The following ST7L variants were observed in gnomAD, a reference collection of about 807,000 sequenced individuals.
ST7L encodes suppression of tumorigenicity 7 like.
Under a neutral mutation model 72.5 loss-of-function variants are expected in ST7L, and 57 were observed. The observed-to-expected ratio is 0.79, with a 90% CI of 0.64 to 0.98. The LOEUF is 0.98. Among genes scored for constraint, ST7L ranks in the 50% least tolerant of loss-of-function variants. The pLI, the probability that ST7L is intolerant of heterozygous loss-of-function variation, is 0.00. For missense variants in ST7L, 576 were observed against 672.2 expected (o/e 0.86, Z 1.58); for synonymous variants, 221 against 240.9 (o/e 0.92, Z 0.77).
At chr1:112,609,316 G>A (rs1367553416) in intron 3 of ST7L, among the ~76,000 whole-genome samples, 1 of 152,112 alleles carries the variant, frequency 6.6e-6, no homozygotes. Flanking sequence ...CAGATCACCT[G>A]AGGTCGGGAG....
chr1:112,582,189 C>A, intron 8 of ST7L, 83 bp from the exon 9 acceptor site: 1 of 1,120,166 alleles, frequency 8.9e-7, no homozygotes, highest in Non-Finnish European at 1.3e-6. Context: ...AGTAGAAATT[C>A]TTGTTTCTTA....
chr1:112,611,095 T>C, intron 2 of ST7L, 92 bp from the exon 3 acceptor site: 1 of 1,294,676 alleles, frequency 7.7e-7, no homozygotes, highest in Middle Eastern at 2.0e-4. Flanking sequence ...CCTGTTCAAT[T>C]CAGCATTTTA....
chr1:112,586,857 G>T (rs114996382), intron 6 of ST7L, among the ~76,000 whole-genome samples: 3 of 152,006 alleles, frequency 2.0e-5, no homozygotes, highest in Admixed American at 2.0e-4. Context: ...TGCAACCATC[G>T]CCACAATGTA....
intron 2 of ST7L, among the ~76,000 whole-genome samples, chr1:112,612,229 C>G (rs998291056): frequency 6.6e-6 from 1 of 152,010 alleles, no homozygotes; most frequent in African/African-American, 2.4e-5. Flanking sequence ...TCCCGTGTAG[C>G]TAGGACTACA....
At chr1:112,598,609 ACT>A (rs1320456521) in intron 4 of ST7L, among the ~76,000 whole-genome samples, 1 of 151,858 alleles carries the variant, frequency 6.6e-6, no homozygotes, top group Non-Finnish European at 1.5e-5. Flanking sequence ...AAAAAAAAAG[ACT>A]CAGTAAAACG....
chr1:112,561,440 G>A (rs1244484536), intron 11 of ST7L, among the ~76,000 whole-genome samples: 1 of 148,816 alleles, frequency 6.7e-6, no homozygotes, highest in Non-Finnish European at 1.5e-5. Context: ...CTTTTTCTAT[G>A]CATAATACAT....
At chr1:112,593,002 T>C (rs1205087865) in intron 5 of ST7L, among the ~76,000 whole-genome samples, 2 of 152,132 alleles carry the variant, frequency 1.3e-5, no homozygotes, top group Non-Finnish European at 2.9e-5. Flanking sequence ...AAGACTGTAT[T>C]AATTTATACT....
intron 2 of ST7L, among the ~76,000 whole-genome samples, chr1:112,615,227 C>G (rs1669685393): frequency 6.6e-6 from 1 of 152,032 alleles, no homozygotes; most frequent in African/African-American, 2.4e-5. Context: ...AACTCTATCA[C>G]CCCACCTCGG....
intron 12 of ST7L, among the ~76,000 whole-genome samples, chr1:112,553,966 G>A (rs1658677589): frequency 6.6e-6 from 1 of 151,984 alleles, no homozygotes; most frequent in African/African-American, 2.4e-5. Flanking sequence ...CCTTTTGGGA[G>A]GCCTCAGCCT....
intron 14 of ST7L, chr1:112,540,857 T>C: frequency 7.8e-7 from 1 of 1,286,822 alleles, no homozygotes; most frequent in Non-Finnish European, 1.0e-6. Context: ...TCTTTTTGGG[T>C]TTTAACTCCT....
chr1:112,594,605 G>A (rs937844553), intron 5 of ST7L, among the ~76,000 whole-genome samples: 2 of 152,198 alleles, frequency 1.3e-5, no homozygotes, highest in African/African-American at 4.8e-5. Flanking sequence ...CGGCCAAGTG[G>A]TAAGTTCTAG....
chr1:112,619,198 T>A, upstream of ST7L: 3 of 1,361,192 alleles, frequency 2.2e-6, no homozygotes, highest in Non-Finnish European at 3.0e-6. Context: ...GTGGCGGACC[T>A]GAAGTTGGCC....
intron 11 of ST7L, 61 bp downstream of exon 11, chr1:112,576,925 G>A (rs1434278283): frequency 1.3e-5 from 17 of 1,298,600 alleles, no homozygotes; most frequent in African/African-American, 8.8e-5. Flanking sequence ...TCTGGTCTAC[G>A]AACTGTCATC....
intron 5 of ST7L, among the ~76,000 whole-genome samples, chr1:112,595,375 A>G (rs927172712): frequency 2.0e-5 from 3 of 149,090 alleles, no homozygotes; most frequent in Non-Finnish European, 4.5e-5. Flanking sequence ...CAAAAGAAAA[A>G]AAAAAAAAAA....
chr1:112,566,297 C>CTT (rs71084471), intron 11 of ST7L, among the ~76,000 whole-genome samples: 39 of 105,912 alleles, frequency 3.7e-4, no homozygotes, highest in Non-Finnish European at 5.1e-4. Flanking sequence ...TCTTCTTCTT[C>CTT]TTTTTTTTTT....
At chr1:112,574,813 T>C (rs1571118360) in intron 11 of ST7L, among the ~76,000 whole-genome samples, 1 of 152,162 alleles carries the variant, frequency 6.6e-6, no homozygotes, top group Non-Finnish European at 1.5e-5. Context: ...GGCAGTCAGG[T>C]AGGCGTCTGT....
At chr1:112,577,147 A>G in intron 10 of ST7L, 59 bp from the exon 11 acceptor site, 1 of 1,190,496 alleles carries the variant, frequency 8.4e-7, no homozygotes. Flanking sequence ...AAAAAGTATG[A>G]ATTTAGATAA....
At chr1:112,602,083 C>CAAA (rs71584754) in intron 3 of ST7L, among the ~76,000 whole-genome samples, 3 of 89,048 alleles carry the variant, frequency 3.4e-5, no homozygotes, top group Non-Finnish European at 4.7e-5. Context: ...AAACTCCATC[C>CAAA]AAAAAAAAAA....
At chr1:112,528,031 GCAAC>G (rs1479463206) in intron 14 of ST7L, 1 of 152,106 alleles carries the variant, frequency 6.6e-6, no homozygotes, top group Admixed American at 6.6e-5. Context: ...ATATACAGAA[GCAAC>G]AATTACAATA....
Sources: gnomAD v4.1 joint callset for allele counts (sites outside exome capture counted in the v4.1 genomes callset) on GRCh38, gnomAD v4.1.1 for gene constraint, MANE v1.5 for transcripts, NCBI Gene and HGNC (gene_info 2026-07-23, HGNC 2026-07-21) for gene names.